Variants in GRIN3A observed in about 807,000 individuals in gnomAD.
The protein encoded by GRIN3A is glutamate ionotropic receptor NMDA type subunit 3A, also known as glutamate receptor ionotropic, NMDA 3A.
In GRIN3A, 47 loss-of-function variants were observed where a neutral mutation model predicts 92.4. That is an observed-to-expected ratio of 0.51 (90% CI 0.40 to 0.65). The LOEUF (loss-of-function observed/expected upper bound fraction) is 0.65, where lower values mean the gene tolerates loss of function less well. Among genes scored for constraint, GRIN3A ranks in the 30% least tolerant of loss-of-function variants. The pLI is 0.00. For synonymous variants in GRIN3A, 527 were observed against 540.6 expected, an observed-to-expected ratio of 0.97 and a Z score of 0.35; for missense variants, 1,324 against 1,393.1, an observed-to-expected ratio of 0.95 and a Z score of 0.79.
chr9:101,633,382 T>G lies in GRIN3A; in HGVS notation c.2353-4981A>C, dbSNP rs529474349. ...CCAGCTCCCTTCTACTGCATTACTTTATCCACTTATAACCTGTGGATGCTA... is the reference window on the plus strand; with the variant it reads ...CCAGCTCCCTTCTACTGCATTACTTGATCCACTTATAACCTGTGGATGCTA... On this transcript the variant is annotated intron_variant, in intron 3 of 8. Transcript: ENST00000361820. Among the ~76,000 whole-genome samples the G allele has an allele frequency of 1.4e-3, 219 of 152,350 alleles. 3 individuals carry two copies. The highest frequency in any genetic ancestry group is 3.1e-3 in the African/African-American group (130 of 41,588).
At position 101,670,587 on chromosome 9, in the gene GRIN3A, T is replaced by C; in HGVS notation, c.1825A>G (p.Lys609Glu). ...IVGDGKYGAW[K>E]NGHWTGLVGD... The stretch of plus-strand genomic sequence containing the variant: ...ACTAGCCCAGTCCAGTGCCCATTTT[T>C]CCATGCTCCATACTTTCCATCCCCT... Residue 609 changes from lysine to glutamate, a missense_variant, in exon 3 of 9, where the codon AAA (lysine) becomes GAA (glutamate). Physicochemically the swap from Lys to Glu is moderately conservative, Grantham distance 56. Coordinates refer to ENST00000361820, the MANE Select transcript of GRIN3A (RefSeq NM_133445.3). 1.2e-6 allele frequency: 2 copies of C among 1,614,074 alleles called. No individual in the cohort carries two copies. Among genetic ancestry groups the C allele is most frequent in the Non-Finnish European group, 1.7e-6 (2 of 1,179,974 alleles).
chr9:101,605,619 T>C (rs1197838941), intron 6 of GRIN3A, among the ~76,000 whole-genome samples: 1 of 152,182 alleles, frequency 6.6e-6, no homozygotes, highest in Admixed American at 6.5e-5. Flanking sequence ...AAGAATGGAC[T>C]GAAGGTCAGA....
intron 3 of GRIN3A, among the ~76,000 whole-genome samples, chr9:101,636,798 T>G (rs1466734648): frequency 1.3e-5 from 2 of 152,234 alleles, no homozygotes; most frequent in Non-Finnish European, 2.9e-5. Flanking sequence ...TTATCACAGT[T>G]ATAGCAACGG....
At chr9:101,674,894 CTA>C (rs1461109733) in intron 2 of GRIN3A, among the ~76,000 whole-genome samples, 1 of 151,944 alleles carries the variant, frequency 6.6e-6, no homozygotes, top group African/African-American at 2.4e-5. Flanking sequence ...TGAAACTAGA[CTA>C]TGGAGGCCTC....
At chr9:101,620,139 T>A (rs1448301901) in intron 5 of GRIN3A, among the ~76,000 whole-genome samples, 2 of 152,182 alleles carry the variant, frequency 1.3e-5, no homozygotes, top group African/African-American at 4.8e-5. Flanking sequence ...TAACAAAATA[T>A]CATAGACTGG....
chr9:101,731,157 G>C (rs1041608368), intron 1 of GRIN3A, among the ~76,000 whole-genome samples: 2 of 152,030 alleles, frequency 1.3e-5, no homozygotes, highest in African/African-American at 4.8e-5. Context: ...GTCCAACCTG[G>C]AAGTAGATAC....
rs1829654911 is a variant in GRIN3A, at chr9:101,694,329, G to T, written c.700-7129C>A. On this transcript the variant is annotated intron_variant, in intron 1 of 8. Transcript: ENST00000361820. Reference sequence around the variant, plus strand: ...AAGAATTGCATGTCTTCAGGCAGAAGAAATAGCAGGAGCATGCATATTACA... The same window carrying T: ...AAGAATTGCATGTCTTCAGGCAGAATAAATAGCAGGAGCATGCATATTACA... Among the ~76,000 whole-genome samples, 2 of 152,142 alleles carry T rather than the reference G, an allele frequency of 1.3e-5. 1 individual carries two copies. Among genetic ancestry groups the T allele is most frequent in the Admixed American group, 1.3e-4 (2 of 15,260 alleles).
intron 3 of GRIN3A, among the ~76,000 whole-genome samples, chr9:101,643,429 T>A (rs907002556): frequency 1.3e-5 from 2 of 152,050 alleles, no homozygotes; most frequent in African/African-American, 2.4e-5. Flanking sequence ...GGAGAAAATG[T>A]AACCCTTGTA....
chr9:101,591,125 G>T (rs1045111721), intron 6 of GRIN3A, among the ~76,000 whole-genome samples: 1 of 152,130 alleles, frequency 6.6e-6, no homozygotes, highest in Non-Finnish European at 1.5e-5. Flanking sequence ...AGAGCATATT[G>T]GTTTGCGTTA....
intron 1 of GRIN3A, among the ~76,000 whole-genome samples, chr9:101,694,411 G>A (rs17199066): frequency 0.14 from 20,660 of 152,050 alleles, 1,650 homozygotes; most frequent in Non-Finnish European, 0.18. Flanking sequence ...AAGGAGTGTC[G>A]GGCATAACAG....
intron 3 of GRIN3A, among the ~76,000 whole-genome samples, chr9:101,637,405 G>A (rs1828799569): frequency 6.6e-6 from 1 of 152,152 alleles, no homozygotes; most frequent in African/African-American, 2.4e-5. Flanking sequence ...ACAGGTGGGA[G>A]CTAGGGCATA....
At chr9:101,718,454 A>G (rs1829973068) in intron 1 of GRIN3A, among the ~76,000 whole-genome samples, 1 of 152,230 alleles carries the variant, frequency 6.6e-6, no homozygotes, top group Non-Finnish European at 1.5e-5. Context: ...ACATTTAGGC[A>G]TTACTGGAGC....
intron 3 of GRIN3A, among the ~76,000 whole-genome samples, chr9:101,645,756 A>G (rs1020720109): frequency 6.7e-6 from 1 of 149,126 alleles, no homozygotes; most frequent in Admixed American, 6.7e-5. Context: ...ATATTTTATA[A>G]AAGCCATTTA....
Position 101,671,100 on chromosome 9 carries a change from C to T in GRIN3A, c.1312G>A (p.Ala438Thr), listed in dbSNP as rs370525524. 23 of 1,612,844 alleles carry T rather than the reference C, an allele frequency of 1.4e-5. No homozygotes were observed. Among genetic ancestry groups the T allele is most frequent in the Non-Finnish European group, 2.0e-5 (23 of 1,179,030 alleles). Reference protein sequence around the residue: ...TSGQYLSRFLANTTFRGLSGS... With the variant: ...TSGQYLSRFLTNTTFRGLSGS... ...CTGAGGCCTCTGAAAGTGGTATTGG[C>T]TAGAAACCTGGGAAAGAGGAGCAAA... Residue 438 changes from alanine to threonine, a missense_variant, in exon 3 of 9, where the codon GCC (alanine) becomes ACC (threonine). Transcript: ENST00000361820.
chr9:101,600,124 A>T (rs1197838485), intron 6 of GRIN3A, among the ~76,000 whole-genome samples: 1 of 152,198 alleles, frequency 6.6e-6, no homozygotes, highest in Non-Finnish European at 1.5e-5. Flanking sequence ...TCTGTAAAAC[A>T]AGGATGATGA....
chr9:101,689,463 G>A (rs1246639029), intron 1 of GRIN3A, among the ~76,000 whole-genome samples: 1 of 152,092 alleles, frequency 6.6e-6, no homozygotes, highest in Non-Finnish European at 1.5e-5. Context: ...GAGAGAGAGA[G>A]ACATGGGAGT....
intron 3 of GRIN3A, among the ~76,000 whole-genome samples, chr9:101,634,449 AAAT>A (rs568945483): frequency 1.4e-3 from 204 of 151,024 alleles, no homozygotes; most frequent in Non-Finnish European, 2.3e-3. Flanking sequence ...AATAATAATA[AAAT>A]AACAGCTAAT....
At chr9:101,700,760 A>T (rs1466895289) in intron 1 of GRIN3A, among the ~76,000 whole-genome samples, 1 of 152,174 alleles carries the variant, frequency 6.6e-6, no homozygotes, top group Non-Finnish European at 1.5e-5. Context: ...CCATTATAGA[A>T]CTGGAGACAT....
At position 101,643,703 on chromosome 9, in the gene GRIN3A, G is replaced by A. The variant is rs866869328; in HGVS notation, c.2353-15302C>T. 4.7e-5 allele frequency among the ~76,000 whole-genome samples: 7 copies of A among 148,884 alleles called. No individual in the cohort carries two copies. The East Asian group carries it at 6.0e-4, about 13-fold the overall frequency. ...CTCTCTCACACACACACACCCACACGAATATTATTCAGCTCTAACACGGAA... is the reference window on the plus strand; with the variant it reads ...CTCTCTCACACACACACACCCACACAAATATTATTCAGCTCTAACACGGAA... On this transcript the variant is annotated intron_variant, in intron 3 of 8. Transcript: ENST00000361820.
Sources: allele counts gnomAD v4.1 joint callset (sites outside exome capture counted in the v4.1 genomes callset), GRCh38; gene constraint gnomAD v4.1.1; transcripts MANE v1.5; gene names NCBI Gene and HGNC (gene_info 2026-07-23, HGNC 2026-07-21).